TGFBR3: variants seen among roughly 807,000 people sequenced by gnomAD.
The protein encoded by TGFBR3 is transforming growth factor beta receptor type 3.
TGFBR3 carries 46 observed loss-of-function variants against 87.9 expected under a neutral mutation model. The observed-to-expected ratio is 0.52, with a 90% CI of 0.41 to 0.67. The LOEUF is 0.67. Ranked by LOEUF, TGFBR3 falls within the 30% of genes least tolerant of loss-of-function variation. The probability of loss-of-function intolerance (pLI) is 0.00; values close to 1 mark genes in which losing one functional copy is unlikely to be tolerated. For synonymous variants in TGFBR3, 381 were observed against 391.6 expected (o/e 0.97, Z 0.32); for missense variants, 866 against 1,041.9 (o/e 0.83, Z 2.32).
intron 2 of TGFBR3, among the ~76,000 whole-genome samples, chr1:91,896,460 G>A (rs1679553553): frequency 6.6e-6 from 1 of 152,166 alleles, no homozygotes; most frequent in South Asian, 2.1e-4. Flanking sequence ...CATCTGACCT[G>A]AGGGAACCGG....
At chr1:91,717,924 T>C (rs1672232338) in intron 10 of TGFBR3, among the ~76,000 whole-genome samples, 1 of 152,104 alleles carries the variant, frequency 6.6e-6, no homozygotes, top group South Asian at 2.1e-4. Flanking sequence ...GTAGCCACTT[T>C]TGGTGTTAAC....
At chr1:91,799,233 G>A (rs542086367) in intron 2 of TGFBR3, among the ~76,000 whole-genome samples, 20 of 152,336 alleles carry the variant, frequency 1.3e-4, no homozygotes, top group African/African-American at 4.3e-4. Flanking sequence ...AATTATCTAG[G>A]CTGATAATAG....
chr1:91,728,025 C>A, intron 6 of TGFBR3: 1 of 585,898 alleles, frequency 1.7e-6, no homozygotes, highest in Non-Finnish European at 3.0e-6. Flanking sequence ...TAATTAGTCA[C>A]TAAAGTTTTT....
At position 91,853,703 on chromosome 1, in the gene TGFBR3, T is replaced by C. The variant is rs377458541; in HGVS notation, c.61+7768A>G. 2.5e-4 allele frequency among the ~76,000 whole-genome samples: 38 copies of C among 152,234 alleles called. No individual in the cohort carries two copies. The South Asian group carries it at 7.9e-3, about 32-fold the overall frequency. On this transcript the variant is annotated intron_variant, in intron 2 of 16. Transcript: ENST00000212355. ...CAAATATCATATATGATCAAACTTA[T>C]ATGCGGAATCTTAAAAAGCCAAACT...
chr1:91,750,496 C>G (rs1460081922), intron 4 of TGFBR3, among the ~76,000 whole-genome samples: 1 of 151,998 alleles, frequency 6.6e-6, no homozygotes, highest in Non-Finnish European at 1.5e-5. Flanking sequence ...GATCAAGACC[C>G]ATATAATTAA....
At chr1:91,775,806 G>A (rs573366110) in intron 3 of TGFBR3, among the ~76,000 whole-genome samples, 1 of 152,316 alleles carries the variant, frequency 6.6e-6, no homozygotes, top group African/African-American at 2.4e-5. Context: ...GCCCTGCAGT[G>A]CTGAATTTCT....
At chr1:91,776,326 C>A (rs571469120) in intron 3 of TGFBR3, among the ~76,000 whole-genome samples, 23 of 152,306 alleles carry the variant, frequency 1.5e-4, no homozygotes, top group African/African-American at 5.5e-4. Flanking sequence ...TGACACATTA[C>A]AAACAGGTGC....
chr1:91,845,586 A>C (rs937660597), intron 2 of TGFBR3, among the ~76,000 whole-genome samples: 10 of 152,194 alleles, frequency 6.6e-5, no homozygotes, highest in African/African-American at 1.9e-4. Context: ...TGTCAAGCTG[A>C]GTTAATTATA....
chr1:91,762,275 T>C (rs1404527160), intron 3 of TGFBR3, among the ~76,000 whole-genome samples: 1 of 152,122 alleles, frequency 6.6e-6, no homozygotes, highest in Admixed American at 6.6e-5. Flanking sequence ...AACATCCATA[T>C]CACACAAACT....
At chr1:91,785,420 T>C (rs1674920846) in intron 3 of TGFBR3, among the ~76,000 whole-genome samples, 1 of 152,244 alleles carries the variant, frequency 6.6e-6, no homozygotes, top group South Asian at 2.1e-4. Flanking sequence ...TATGGGCCAC[T>C]GGTTGCACAT....
intron 2 of TGFBR3, among the ~76,000 whole-genome samples, chr1:91,899,414 G>A (rs1412091681): frequency 6.6e-6 from 1 of 152,084 alleles, no homozygotes; most frequent in Non-Finnish European, 1.5e-5. Flanking sequence ...GCTGAGGTGG[G>A]AGGATCACTT....
At chr1:91,841,603 A>G (rs527694899) in intron 2 of TGFBR3, among the ~76,000 whole-genome samples, 4 of 143,676 alleles carry the variant, frequency 2.8e-5, no homozygotes, top group East Asian at 4.1e-4. Flanking sequence ...GACCAGCCTG[A>G]CCAACATGGT....
chr1:91,877,952 A>C (rs1339512404), intron 1 of TGFBR3, among the ~76,000 whole-genome samples: 2 of 152,238 alleles, frequency 1.3e-5, no homozygotes, highest in Non-Finnish European at 2.9e-5. Flanking sequence ...AATAGGAAAC[A>C]TGCCCATTTA....
At chr1:91,710,893 C>A (rs997932948) in intron 13 of TGFBR3, among the ~76,000 whole-genome samples, 2 of 152,152 alleles carry the variant, frequency 1.3e-5, no homozygotes, top group Non-Finnish European at 2.9e-5. Flanking sequence ...GGTTATATCC[C>A]ATCATGTCAT....
At chr1:91,693,384 T>G (rs527756845) in intron 16 of TGFBR3, among the ~76,000 whole-genome samples, 2 of 152,340 alleles carry the variant, frequency 1.3e-5, no homozygotes, top group South Asian at 2.1e-4. Flanking sequence ...TAAATTTACT[T>G]ACAAACCTAT....
At position 91,878,500 on chromosome 1, in the gene TGFBR3, A is replaced by G. The variant is rs116571751; in HGVS notation, c.-114+7378T>C. On this transcript the variant is annotated intron_variant, in intron 1 of 16. Transcript: ENST00000212355. The stretch of plus-strand genomic sequence containing the variant: ...ATTAAGTATTCATCAAGTTTCCATT[A>G]GCAAAATAGTATGATACAAATTTAA... Among the ~76,000 whole-genome samples the G allele has an allele frequency of 6.6e-3, 1,013 of 152,336 alleles. 19 individuals are homozygous for G. Among genetic ancestry groups the G allele is most frequent in the African/African-American group, 0.023 (961 of 41,568 alleles).
intron 2 of TGFBR3, among the ~76,000 whole-genome samples, chr1:91,852,964 G>A (rs957840122): frequency 6.6e-6 from 1 of 151,576 alleles, no homozygotes; most frequent in Non-Finnish European, 1.5e-5. Context: ...AAACCAGCCT[G>A]GGCAACATGG....
intron 3 of TGFBR3, among the ~76,000 whole-genome samples, chr1:91,782,242 T>A (rs1283121849): frequency 6.6e-6 from 1 of 152,126 alleles, no homozygotes; most frequent in African/African-American, 2.4e-5. Flanking sequence ...ATGAGGGCGT[T>A]CAGAATAGAA....
chr1:91,823,867 C>T (rs1003477605), intron 2 of TGFBR3, among the ~76,000 whole-genome samples: 8 of 152,174 alleles, frequency 5.3e-5, no homozygotes, highest in African/African-American at 7.2e-5. Context: ...CAGTGGCTCA[C>T]GCCTGTAATC....
Sources: gnomAD v4.1 joint callset for allele counts (sites outside exome capture counted in the v4.1 genomes callset) on GRCh38, gnomAD v4.1.1 for gene constraint, MANE v1.5 for transcripts, NCBI Gene and HGNC (gene_info 2026-07-23, HGNC 2026-07-21) for gene names.